AK4: variants seen among roughly 807,000 people sequenced by gnomAD.
AK4 encodes the protein adenylate kinase 4, mitochondrial.
AK4 carries 13 observed loss-of-function variants against 24.6 expected under a neutral mutation model. The observed-to-expected ratio is 0.53, with a 90% confidence interval of 0.34 to 0.84. The LOEUF (loss-of-function observed/expected upper bound fraction) is 0.84. Ranked by LOEUF, AK4 falls within the 40% of genes least tolerant of loss-of-function variation. The pLI, the probability that AK4 is intolerant of heterozygous loss-of-function variation, is 0.01. For synonymous variants in AK4, 88 were observed against 107.0 expected, an observed-to-expected ratio of 0.82 and a Z score of 1.10; for missense variants, 192 against 288.2, an observed-to-expected ratio of 0.67 and a Z score of 2.42.
rs1036808511 is a variant in AK4, at chr1:65,231,130, A to G, written c.*4953A>G. On this transcript the variant is annotated 3_prime_UTR_variant, in exon 5 of 5. Coordinates refer to ENST00000327299, the MANE Select transcript of AK4 (RefSeq NM_013410.4). Reference sequence around the variant, plus strand: ...TTTCTTTCCACATGTAACTGACCCAATCTGGTTTCCAAATGAGAAGTGTGC... The same window carrying G: ...TTTCTTTCCACATGTAACTGACCCAGTCTGGTTTCCAAATGAGAAGTGTGC... 3 of 152,110 alleles carry G rather than the reference A, an allele frequency of 2.0e-5. No homozygotes were observed. Among genetic ancestry groups the G allele is most frequent in the African/African-American group, 7.2e-5 (3 of 41,414 alleles). The allele number at this position is 152,110 out of a possible 1,614,324, so 9.4% of individuals were successfully genotyped here. A position where few individuals can be genotyped will look rare whatever the true frequency, so the allele number is the denominator to read the frequency against.
At chr1:65,188,604 G>T (rs956303001) in intron 1 of AK4, among the ~76,000 whole-genome samples, 2 of 151,188 alleles carry the variant, frequency 1.3e-5, no homozygotes, top group Non-Finnish European at 2.9e-5. Flanking sequence ...TCAGTCTCCC[G>T]AGTAGCTGGG....
intron 3 of AK4, among the ~76,000 whole-genome samples, chr1:65,223,881 C>T (rs1338259237): frequency 6.6e-6 from 1 of 151,968 alleles, no homozygotes; most frequent in Non-Finnish European, 1.5e-5. Flanking sequence ...CCTGTAATCC[C>T]ACCTGTTCGG....
rs777861246 is a variant in AK4 at position 65,224,784 on chromosome 1, C to T, written c.471C>T (p.Val157=). 6.2e-7 allele frequency: 1 copy of T among 1,613,412 alleles called. No homozygotes were observed. The highest frequency in any genetic ancestry group is 1.1e-5 in the South Asian group (1 of 91,026). Residue 157 remains valine (V), a synonymous_variant, in exon 4 of 5, where the codon GTC becomes GTT. Transcript: ENST00000327299. ...ATGACGTCACTGGTGAACCGTTAGT[C>T]CAGCAGGAGGATGATAAACCCGAAG... The part of the protein sequence containing the change: ...GIDDVTGEPL[V]QQEDDKPEAV...
chr1:65,189,269 G>A (rs1476448804), intron 1 of AK4, among the ~76,000 whole-genome samples: 6 of 149,598 alleles, frequency 4.0e-5, no homozygotes. Flanking sequence ...TTGGTCTGTT[G>A]AGAATGTGAT....
At chr1:65,175,938 G>C (rs1015483999) in intron 1 of AK4, among the ~76,000 whole-genome samples, 45 of 152,162 alleles carry the variant, frequency 3.0e-4, no homozygotes, top group African/African-American at 1.1e-3. Context: ...GATGTTCATG[G>C]TGTGTTTATG....
chr1:65,203,129 C>T (rs1451376515), intron 2 of AK4, among the ~76,000 whole-genome samples: 4 of 151,938 alleles, frequency 2.6e-5, no homozygotes, highest in African/African-American at 9.7e-5. Flanking sequence ...TGTCTCAGCC[C>T]CTCAGAGTGC....
intron 2 of AK4, among the ~76,000 whole-genome samples, chr1:65,197,204 A>G (rs1043340568): frequency 9.4e-6 from 1 of 106,452 alleles, no homozygotes; most frequent in African/African-American, 7.6e-5. Context: ...GAGATGTATT[A>G]GTAACTGTTT....
chr1:65,159,969 CAA>C (rs951802334), intron 1 of AK4, among the ~76,000 whole-genome samples: 4 of 63,328 alleles, frequency 6.3e-5, no homozygotes, highest in Non-Finnish European at 1.1e-4. Context: ...ACTATGTCTC[CAA>C]AAAAAAAAAA....
At chr1:65,180,411 G>C (rs918001246) in intron 1 of AK4, among the ~76,000 whole-genome samples, 2 of 152,054 alleles carry the variant, frequency 1.3e-5, no homozygotes, top group Non-Finnish European at 2.9e-5. Flanking sequence ...CTGTATTTTT[G>C]GTATGAAGGA....
intron 2 of AK4, among the ~76,000 whole-genome samples, chr1:65,213,607 A>G (rs1206646699): frequency 6.6e-6 from 1 of 152,226 alleles, no homozygotes; most frequent in Non-Finnish European, 1.5e-5. Context: ...AGCAGCAGCA[A>G]CCGTTTATTA....
At chr1:65,150,263 TTCTC>T (rs1243800228) in intron 1 of AK4, among the ~76,000 whole-genome samples, 2 of 130,830 alleles carry the variant, frequency 1.5e-5, no homozygotes, top group Admixed American at 8.2e-5. Flanking sequence ...TTTTCCCTTG[TTCTC>T]TCTTTCTCTC....
chr1:65,215,252 A>G (rs1459091661), intron 2 of AK4, among the ~76,000 whole-genome samples: 1 of 150,802 alleles, frequency 6.6e-6, no homozygotes, highest in East Asian at 1.9e-4. Flanking sequence ...ACTCACTGCA[A>G]TCTCCGCCTC....
intron 3 of AK4, among the ~76,000 whole-genome samples, chr1:65,220,487 C>T (rs1652262897): frequency 6.6e-6 from 1 of 151,956 alleles, no homozygotes; most frequent in South Asian, 2.1e-4. Context: ...TTTTTATTTT[C>T]TTTTCTGAGA....
chr1:65,230,809 T>C lies in AK4; in HGVS notation c.*4632T>C, dbSNP rs1176606808. 1 of 152,234 alleles carries C rather than the reference T, an allele frequency of 6.6e-6. No individual in the cohort carries two copies. Among genetic ancestry groups the C allele is most frequent in the African/African-American group, 2.4e-5 (1 of 41,466 alleles). 9.4% of individuals were successfully genotyped at this position (152,234 alleles called of 1,614,324 possible). ...CAGAGTCACACTGGTAGTTGCACAC[T>C]GTATCTACAGAGGGCGTGTCTCATC... On this transcript the variant is annotated 3_prime_UTR_variant, in exon 5 of 5. Transcript: ENST00000327299.
At chr1:65,187,993 A>T (rs1456977394) in intron 1 of AK4, among the ~76,000 whole-genome samples, 2 of 152,204 alleles carry the variant, frequency 1.3e-5, no homozygotes, top group Non-Finnish European at 2.9e-5. Flanking sequence ...GTCTAGTGGT[A>T]GTACTCAAGA....
intron 1 of AK4, among the ~76,000 whole-genome samples, chr1:65,164,852 A>G (rs1458322089): frequency 6.6e-6 from 1 of 152,214 alleles, no homozygotes; most frequent in African/African-American, 2.4e-5. Flanking sequence ...TAAACATGGG[A>G]CTGACATCTG....
Position 65,228,196 on chromosome 1 carries a change from G to T in AK4, c.*2019G>T, listed in dbSNP as rs1438376415. 1 of 151,932 alleles carries T rather than the reference G, an allele frequency of 6.6e-6. No homozygotes were observed. Among genetic ancestry groups the T allele is most frequent in the Non-Finnish European group, 1.5e-5 (1 of 67,998 alleles). 9.4% of individuals were successfully genotyped at this position (151,932 alleles called of 1,614,324 possible). A position where few individuals can be genotyped will look rare whatever the true frequency, so the allele number is the denominator to read the frequency against. ...AAATTTCCACAAACTAGGAAATGTA[G>T]AGAGTTATTCTATAGAATACTCAAA... On this transcript the variant is annotated 3_prime_UTR_variant, in exon 5 of 5. Transcript: ENST00000327299.
At chr1:65,226,005 C>G in intron 4 of AK4, 58 bp from the exon 5 acceptor site, 1 of 1,546,736 alleles carries the variant, frequency 6.5e-7, no homozygotes, top group Non-Finnish European at 8.9e-7. Flanking sequence ...GGATCTTCTG[C>G]ACTAATACGT....
chr1:65,209,225 A>G (rs1385823504), intron 2 of AK4, among the ~76,000 whole-genome samples: 2 of 152,180 alleles, frequency 1.3e-5, no homozygotes, highest in African/African-American at 4.8e-5. Flanking sequence ...AGCTAAAGGG[A>G]GGAAAGCAAG....
Sources: gnomAD v4.1 joint callset for allele counts (sites outside exome capture counted in the v4.1 genomes callset) on GRCh38, gnomAD v4.1.1 for gene constraint, MANE v1.5 for transcripts, NCBI Gene and HGNC (gene_info 2026-07-23, HGNC 2026-07-21) for gene names.